Variants in CADPS2 observed in about 807,000 individuals in gnomAD.
The protein encoded by CADPS2 is calcium dependent secretion activator 2.
Under a neutral mutation model 172.5 loss-of-function variants are expected in CADPS2, and 93 were observed. The ratio of observed to expected loss-of-function variants is 0.54; its 90% confidence interval spans 0.46 to 0.64. The LOEUF is 0.64. Ranked by LOEUF, CADPS2 falls within the 30% of genes least tolerant of loss-of-function variation. The pLI is 0.00. For synonymous variants in CADPS2, 546 were observed against 555.2 expected (o/e 0.98, Z 0.23); for missense variants, 1,420 against 1,565.9 (o/e 0.91, Z 1.57).
intron 8 of CADPS2, among the ~76,000 whole-genome samples, chr7:122,547,948 A>G (rs936380625): frequency 6.6e-6 from 1 of 152,196 alleles, no homozygotes; most frequent in African/African-American, 2.4e-5. Context: ...TTCTTTCCAC[A>G]AAACATTTAA....
chr7:122,503,166 G>C (rs946789789), intron 9 of CADPS2, among the ~76,000 whole-genome samples: 4 of 151,806 alleles, frequency 2.6e-5, no homozygotes, highest in African/African-American at 9.7e-5. Flanking sequence ...GGAGTAGCTG[G>C]GATTACAGGC....
intron 8 of CADPS2, among the ~76,000 whole-genome samples, chr7:122,517,664 A>G (rs942952760): frequency 6.6e-6 from 1 of 152,104 alleles, no homozygotes; most frequent in Admixed American, 6.6e-5. Flanking sequence ...AAAGTCCTTT[A>G]TCTCATTATC....
chr7:122,793,103 T>C (rs1471598048), intron 1 of CADPS2, among the ~76,000 whole-genome samples: 1 of 152,216 alleles, frequency 6.6e-6, no homozygotes, highest in Non-Finnish European at 1.5e-5. Flanking sequence ...ATTCAGGTCC[T>C]CCTTTACTGT....
At chr7:122,780,177 T>C (rs769894911) in intron 1 of CADPS2, among the ~76,000 whole-genome samples, 3 of 152,136 alleles carry the variant, frequency 2.0e-5, no homozygotes, top group Non-Finnish European at 4.4e-5. Context: ...CATAAAAATA[T>C]AAATATAATC....
At position 122,582,808 on chromosome 7, in the gene CADPS2, G is replaced by T. The variant is rs145114480; in HGVS notation, c.1224-1518C>A. 3.5e-4 allele frequency among the ~76,000 whole-genome samples: 53 copies of T among 152,008 alleles called. No homozygotes were observed. In the East Asian group the frequency reaches 0.01, roughly 29 times the overall value. On this transcript the variant is annotated intron_variant, in intron 6 of 29. Transcript: ENST00000449022. ...CTTATAACTGAAATAAAAGATTTTT[G>T]ATAGTCATATAGAAACAGTCTAATA...
At chr7:122,380,260 T>C (rs938592802) in intron 24 of CADPS2, among the ~76,000 whole-genome samples, 3 of 152,084 alleles carry the variant, frequency 2.0e-5, no homozygotes, top group East Asian at 3.9e-4. Context: ...ATTCTTCCTT[T>C]AGAAGCATTT....
chr7:122,400,939 A>G (rs977656662), intron 20 of CADPS2, among the ~76,000 whole-genome samples: 8 of 152,208 alleles, frequency 5.3e-5, no homozygotes, highest in African/African-American at 1.9e-4. Flanking sequence ...CTGAAAAATA[A>G]TCTCTGATAC....
chr7:122,841,722 A>G (rs961669906), intron 1 of CADPS2, among the ~76,000 whole-genome samples: 48 of 152,194 alleles, frequency 3.2e-4, no homozygotes, highest in African/African-American at 1.1e-3. Flanking sequence ...AAAGAAAACG[A>G]AGAGTTGCCT....
intron 28 of CADPS2, among the ~76,000 whole-genome samples, chr7:122,333,259 G>A (rs2035294264): frequency 6.6e-6 from 1 of 152,126 alleles, no homozygotes; most frequent in Non-Finnish European, 1.5e-5. Context: ...AAAGTATATT[G>A]GACTCTTGGA....
rs575266822 is a variant in CADPS2, at chr7:122,425,023, A to G, written c.2477-8859T>C. ...TGGACAGGGTCTTGCTCTGTCACCC[A>G]GGCTGGGGTGCAGTGGCGTGATCAT... On this transcript the variant is annotated intron_variant, in intron 17 of 29. Transcript: ENST00000449022. Among the ~76,000 whole-genome samples the G allele has an allele frequency of 2.0e-5, 3 of 152,212 alleles. No individual in the cohort carries two copies. In the South Asian group the frequency reaches 6.2e-4, roughly 32 times the overall value.
In CADPS2 at chr7:122,835,555, A is replaced by G. The variant is rs531150408; in HGVS notation, c.339+50444T>C. 9.9e-4 allele frequency among the ~76,000 whole-genome samples: 151 copies of G among 152,354 alleles called. 2 individuals carry two copies. Among genetic ancestry groups the G allele is most frequent in the Middle Eastern group, 6.8e-3 (2 of 294 alleles). On this transcript the variant is annotated intron_variant, in intron 1 of 29. Transcript: ENST00000449022. ...CCTTGAAAAAAGATTAGACGAACGG[A>G]TAACTAGAATACCCAGTGTAGAGAA...
At chr7:122,725,851 A>C (rs1178753063) in intron 2 of CADPS2, among the ~76,000 whole-genome samples, 1 of 151,876 alleles carries the variant, frequency 6.6e-6, no homozygotes, top group Non-Finnish European at 1.5e-5. Context: ...CTGAAACAGG[A>C]AGTACTTAAG....
chr7:122,758,588 C>G (rs531848528), intron 1 of CADPS2, among the ~76,000 whole-genome samples: 1 of 152,208 alleles, frequency 6.6e-6, no homozygotes, highest in South Asian at 2.1e-4. Flanking sequence ...CACATCATAT[C>G]AAATCATCTC....
chr7:122,360,974 T>A lies in CADPS2; in HGVS notation c.3427A>T (p.Arg1143Trp). The change falls in exon 26 of 30, where the codon AGG becomes TGG. Residue 1143 changes from arginine (R) to tryptophan (W), a missense_variant. Coordinates refer to ENST00000449022, the MANE Select transcript of CADPS2 (RefSeq NM_017954.11). ...GAAAAGAAAGTGCCTTCATCATACCTTGACAGCTTAGACAACACGCCTTCC... is the reference window on the plus strand; with the variant it reads ...GAAAAGAAAGTGCCTTCATCATACCATGACAGCTTAGACAACACGCCTTCC... Reference protein sequence around the residue: ...VLEGVLSKLSRYDEGTFFSSI... With the variant: ...VLEGVLSKLSWYDEGTFFSSI... 6.2e-7 allele frequency: 1 copy of A among 1,613,790 alleles called. No individual in the cohort carries two copies.
At position 122,720,756 on chromosome 7, in the gene CADPS2, C is replaced by G. The variant is rs760454187; in HGVS notation, c.453+16199G>C. Among the ~76,000 whole-genome samples, 27 of 151,878 alleles carry G rather than the reference C, an allele frequency of 1.8e-4. 1 individual carries two copies. The highest frequency in any genetic ancestry group is 9.2e-4 in the Admixed American group (14 of 15,194). On this transcript the variant is annotated intron_variant, in intron 2 of 29. Coordinates refer to ENST00000449022, the MANE Select transcript of CADPS2 (RefSeq NM_017954.11). ...GAATCACCTAGTTTCAGATTGAAAACTGAATGTTCATAAGATTACTGCCAC... is the reference window on the plus strand; with the variant it reads ...GAATCACCTAGTTTCAGATTGAAAAGTGAATGTTCATAAGATTACTGCCAC...
At chr7:122,529,842 G>A (rs929872156) in intron 8 of CADPS2, among the ~76,000 whole-genome samples, 1 of 152,066 alleles carries the variant, frequency 6.6e-6, no homozygotes, top group Non-Finnish European at 1.5e-5. Context: ...GCTTTTCAGG[G>A]AGATACATAA....
chr7:122,495,149 A>T (rs1414968611), intron 9 of CADPS2, among the ~76,000 whole-genome samples: 1 of 152,198 alleles, frequency 6.6e-6, no homozygotes, highest in Non-Finnish European at 1.5e-5. Context: ...TATCTCCAAC[A>T]TAAAGAAAAG....
At chr7:122,364,680 T>C (rs533591240) in intron 25 of CADPS2, among the ~76,000 whole-genome samples, 7 of 151,504 alleles carry the variant, frequency 4.6e-5, no homozygotes, top group African/African-American at 1.5e-4. Context: ...TGAGCCGAGA[T>C]TGCGCCACTG....
chr7:122,486,842 A>T (rs2057861972), intron 11 of CADPS2, among the ~76,000 whole-genome samples: 1 of 152,052 alleles, frequency 6.6e-6, no homozygotes, highest in Admixed American at 6.6e-5. Flanking sequence ...ACAACCAGCA[A>T]CCTGATCGGT....
Sources: allele counts gnomAD v4.1 joint callset (sites outside exome capture counted in the v4.1 genomes callset), GRCh38; gene constraint gnomAD v4.1.1; transcripts MANE v1.5; gene names NCBI Gene and HGNC (gene_info 2026-07-23, HGNC 2026-07-21).